ATXN7: variants seen among roughly 807,000 people sequenced by gnomAD.
ATXN7 encodes the protein ataxin 7, also known as ataxin-7.
In ATXN7, 12 loss-of-function variants were observed where a neutral mutation model predicts 70.5. That is an observed-to-expected ratio of 0.17 (90% CI 0.11 to 0.28). The LOEUF is 0.28. ATXN7 is among the 10% of genes least tolerant of loss of function. The pLI is 1.00. For missense variants in ATXN7, 1,256 were observed against 1,131.7 expected, an observed-to-expected ratio of 1.11 and a Z score of -1.58; for synonymous variants, 498 against 448.7, an observed-to-expected ratio of 1.11 and a Z score of -1.39.
At chr3:63,914,567 G>A (rs187311775) in intron 4 of ATXN7, among the ~76,000 whole-genome samples, 101 of 152,228 alleles carry the variant, frequency 6.6e-4, no homozygotes, top group Admixed American at 1.4e-3. Context: ...TCACTAGGTG[G>A]CAACTCTCAC....
rs546524037 is a variant in ATXN7 at position 63,937,127 on chromosome 3, C to T, written c.395-15252C>T. Among the ~76,000 whole-genome samples, 73 of 152,240 alleles carry T rather than the reference C, an allele frequency of 4.8e-4. 1 individual carries two copies. The South Asian group carries it at 0.015, about 32-fold the overall frequency. ...AAGATGGGGGTACGAATTAATTAACCAACTGTTTGCAGAGATATGGCCATG... is the reference window on the plus strand; with the variant it reads ...AAGATGGGGGTACGAATTAATTAACTAACTGTTTGCAGAGATATGGCCATG... On this transcript the variant is annotated intron_variant, in intron 4 of 12. Transcript: ENST00000674280.
intron 11 of ATXN7, among the ~76,000 whole-genome samples, chr3:63,993,275 A>ATTTTTTTTT (rs556994956): frequency 3.9e-4 from 45 of 115,972 alleles, no homozygotes; most frequent in African/African-American, 7.1e-4. Context: ...TTGTTGGTGT[A>ATTTTTTTTT]TTTTTTTTTT....
chr3:63,966,265 A>T (rs1481932295), intron 5 of ATXN7, among the ~76,000 whole-genome samples: 1 of 152,150 alleles, frequency 6.6e-6, no homozygotes, highest in African/African-American at 2.4e-5. Context: ...CTTTTCTGCT[A>T]TTGATGGCAT....
intron 2 of ATXN7, among the ~76,000 whole-genome samples, chr3:63,910,524 T>C (rs1703975069): frequency 6.6e-6 from 1 of 152,174 alleles, no homozygotes; most frequent in Non-Finnish European, 1.5e-5. Context: ...TGATTTGGAA[T>C]GAATGAAAAA....
Position 63,995,559 on chromosome 3 carries a change from C to T in ATXN7, c.1737C>T (p.His579=). Residue 579 remains histidine, a synonymous_variant, in exon 12 of 13, where the codon CAC becomes CAT. Transcript: ENST00000674280. ...CACCCATCTCCACACGTATTCCTCA[C>T]CGGACAAACTCTGTGCCGACATCAC... is the stretch of plus-strand genomic sequence containing the variant. ...TTSPISTRIP[H]RTNSVPTSQC... is the part of the protein sequence containing the mutation. The T allele has an allele frequency of 6.2e-7, 1 of 1,614,190 alleles. No homozygotes were observed. Among genetic ancestry groups the T allele is most frequent in the Non-Finnish European group, 8.5e-7 (1 of 1,180,040 alleles).
At chr3:63,998,053 G>A (rs768722356) in intron 12 of ATXN7, 128 of 985,192 alleles carry the variant, frequency 1.3e-4, no homozygotes, top group African/African-American at 4.5e-4. Flanking sequence ...ATTCTTCAAC[G>A]CACCGTCTTT....
Position 63,912,692 on chromosome 3 carries a change from C to T in ATXN7, c.94C>T (p.Gln32Ter). Residue 32 changes from glutamine to a stop codon, truncating the protein, a stop_gained, in exon 3 of 13, where the codon CAG becomes TAG. Coordinates refer to ENST00000674280, the MANE Select transcript of ATXN7 (RefSeq NM_001377405.1). LOFTEE classifies it high-confidence loss of function. ...GAAAAAARQQ[Q>*]QQQQQQQPPP... ...AGCGGCCGCGGCCGCCCGGCAGCAG[C>T]AGCAGCAGCAGCAGCAGCAGCAGCC... The T allele has an allele frequency of 8.9e-7, 1 of 1,125,278 alleles. No homozygotes were observed. Among genetic ancestry groups the T allele is most frequent in the East Asian group, 5.6e-5 (1 of 17,770 alleles). The allele number at this position is 1,125,278 out of a possible 1,614,324, so 69.7% of individuals were successfully genotyped here.
At chr3:63,945,145 T>G (rs2074838861) in intron 4 of ATXN7, among the ~76,000 whole-genome samples, 1 of 152,226 alleles carries the variant, frequency 6.6e-6, no homozygotes, top group African/African-American at 2.4e-5. Flanking sequence ...TCAGTAGTAC[T>G]AAGCGCTCTC....
In ATXN7 at chr3:63,999,934, A is replaced by G. The variant is rs1173356509; in HGVS notation, c.*467A>G. On this transcript the variant is annotated 3_prime_UTR_variant, in exon 13 of 13. Coordinates refer to ENST00000674280, the MANE Select transcript of ATXN7 (RefSeq NM_001377405.1). Reference sequence around the variant, plus strand: ...CACTCTCCAGCAGTTAGGCACCTTAACTGGAGACCAGAAACCTTCCAGAGA... The same window carrying G: ...CACTCTCCAGCAGTTAGGCACCTTAGCTGGAGACCAGAAACCTTCCAGAGA... The G allele has an allele frequency of 5.5e-6, 1 of 183,042 alleles. No homozygotes were observed. Among genetic ancestry groups the G allele is most frequent in the Non-Finnish European group, 1.2e-5 (1 of 86,006 alleles). The allele number at this position is 183,042 out of a possible 1,614,324, so 11.3% of individuals were successfully genotyped here.
At chr3:63,910,842 G>A (rs565441928) in intron 2 of ATXN7, among the ~76,000 whole-genome samples, 31 of 151,844 alleles carry the variant, frequency 2.0e-4, no homozygotes, top group African/African-American at 7.3e-4. Context: ...GTGTGTGTGT[G>A]TATGTGTAAG....
chr3:63,902,141 G>A (rs879714952), intron 2 of ATXN7: 6 of 152,216 alleles, frequency 3.9e-5, no homozygotes, highest in Non-Finnish European at 7.3e-5. Flanking sequence ...AGTTGCAGTG[G>A]CTCATACCTG....
Position 64,001,061 on chromosome 3 carries a change from T to C in ATXN7, c.*1594T>C, listed in dbSNP as rs1576013037. On this transcript the variant is annotated 3_prime_UTR_variant, in exon 13 of 13. Transcript: ENST00000674280. ...GTACATTCTTTTTTTCCTACAGTTC[T>C]TGGGTTTCAAACTTCAGTTTCAGGG... The C allele has an allele frequency of 6.6e-6, 1 of 152,068 alleles. No homozygotes were observed. Among genetic ancestry groups the C allele is most frequent in the African/African-American group, 2.4e-5 (1 of 41,398 alleles). 9.4% of individuals were successfully genotyped at this position (152,068 alleles called of 1,614,324 possible).
intron 1 of ATXN7, among the ~76,000 whole-genome samples, chr3:63,872,860 T>C (rs1702638419): frequency 6.6e-6 from 1 of 152,170 alleles, no homozygotes; most frequent in South Asian, 2.1e-4. Context: ...TTATCCCATT[T>C]TAAAGGTATG....
At chr3:63,930,596 A>G (rs552246014) in intron 4 of ATXN7, among the ~76,000 whole-genome samples, 18 of 151,690 alleles carry the variant, frequency 1.2e-4, no homozygotes, top group African/African-American at 4.1e-4. Context: ...CAGTGGCGCA[A>G]TCTTGGCTCA....
intron 4 of ATXN7, among the ~76,000 whole-genome samples, chr3:63,951,952 C>T (rs2074961591): frequency 6.6e-6 from 1 of 152,186 alleles, no homozygotes; most frequent in African/African-American, 2.4e-5. Flanking sequence ...TCCTCTGTCT[C>T]TGCTCCCTTT....
chr3:63,868,995 T>C (rs1702518070), intron 1 of ATXN7, among the ~76,000 whole-genome samples: 1 of 152,222 alleles, frequency 6.6e-6, no homozygotes, highest in Non-Finnish European at 1.5e-5. Flanking sequence ...TATTTTACTT[T>C]AAATGCTGAA....
chr3:63,987,409 T>C (rs1336024123), intron 8 of ATXN7, among the ~76,000 whole-genome samples: 4 of 152,210 alleles, frequency 2.6e-5, no homozygotes, highest in African/African-American at 7.2e-5. Context: ...AGCCAGTGTC[T>C]ATCTATAGGG....
At chr3:63,930,810 A>G (rs573475043) in intron 4 of ATXN7, among the ~76,000 whole-genome samples, 2 of 152,204 alleles carry the variant, frequency 1.3e-5, no homozygotes, top group East Asian at 1.9e-4. Context: ...GATTACAGGC[A>G]TGAGCCACCG....
In ATXN7 at chr3:63,912,941, C is replaced by T. The variant is rs1454157053; in HGVS notation, c.325+18C>T. On this transcript the variant is annotated intron_variant, in intron 3 of 12. Coordinates refer to ENST00000674280, the MANE Select transcript of ATXN7 (RefSeq NM_001377405.1). ...GAAGGACGGTGAGTGTCCACGCCCTCCTCCCCCCTTCACCCCCTCGCGACC... is the reference window on the plus strand; with the variant it reads ...GAAGGACGGTGAGTGTCCACGCCCTTCTCCCCCCTTCACCCCCTCGCGACC... 4 of 1,595,158 alleles carry T rather than the reference C, an allele frequency of 2.5e-6. No individual in the cohort carries two copies. The highest frequency in any genetic ancestry group is 3.4e-6 in the Non-Finnish European group (4 of 1,169,272).
Sources: gnomAD v4.1 joint callset for allele counts (sites outside exome capture counted in the v4.1 genomes callset) on GRCh38, gnomAD v4.1.1 for gene constraint, MANE v1.5 for transcripts, NCBI Gene and HGNC (gene_info 2026-07-23, HGNC 2026-07-21) for gene names.